The following BNC2 variants were observed in gnomAD, a reference collection of about 807,000 sequenced individuals.
BNC2 encodes the protein basonuclin zinc finger protein 2.
In BNC2, 20 loss-of-function variants were observed where a neutral mutation model predicts 76.3. The observed-to-expected ratio is 0.26, with a 90% CI of 0.18 to 0.38. BNC2 has a LOEUF of 0.38. Ranked by LOEUF, BNC2 falls within the 10% of genes least tolerant of loss-of-function variation. BNC2 has a pLI of 1.00. For synonymous variants in BNC2, 582 were observed against 514.8 expected, an observed-to-expected ratio of 1.13 and a Z score of -1.77; for missense variants, 1,382 against 1,399.8, an observed-to-expected ratio of 0.99 and a Z score of 0.20.
chr9:16,657,569 G>A (rs1382684375), intron 3 of BNC2, among the ~76,000 whole-genome samples: 1 of 152,112 alleles, frequency 6.6e-6, no homozygotes, highest in Non-Finnish European at 1.5e-5. Flanking sequence ...TGAGAGAAAG[G>A]GACTGCCAGA....
intron 3 of BNC2, among the ~76,000 whole-genome samples, chr9:16,626,993 G>A (rs7035303): frequency 0.12 from 18,484 of 152,158 alleles, 2,157 homozygotes; most frequent in African/African-American, 0.31. Context: ...ACAGTGAGGC[G>A]ACTGAATCAG....
chr9:16,635,254 C>A (rs1821288703), intron 3 of BNC2, among the ~76,000 whole-genome samples: 1 of 152,094 alleles, frequency 6.6e-6, no homozygotes. Context: ...TTTAAAAGCA[C>A]CATCAGAAAT....
chr9:16,840,340 C>T (rs1818796935), intron 1 of BNC2, among the ~76,000 whole-genome samples: 1 of 152,186 alleles, frequency 6.6e-6, no homozygotes, highest in Non-Finnish European at 1.5e-5. Flanking sequence ...GAATCCAATG[C>T]CCCTGGCATA....
intron 1 of BNC2, among the ~76,000 whole-genome samples, chr9:16,753,705 T>C (rs1825289655): frequency 6.6e-6 from 1 of 152,234 alleles, no homozygotes; most frequent in African/African-American, 2.4e-5. Flanking sequence ...GCAAGCCCAG[T>C]ATGTCCCTTC....
intron 1 of BNC2, among the ~76,000 whole-genome samples, chr9:16,800,133 G>C (rs1037712130): frequency 6.6e-6 from 1 of 151,726 alleles, no homozygotes; most frequent in Non-Finnish European, 1.5e-5. Flanking sequence ...GCTAAGGCAG[G>C]AGAATCACTT....
chr9:16,562,660 T>G (rs1265045115), intron 4 of BNC2, among the ~76,000 whole-genome samples: 4 of 152,210 alleles, frequency 2.6e-5, no homozygotes, highest in African/African-American at 7.2e-5. Flanking sequence ...TTAGCAAGTA[T>G]GTAAGTTCCT....
intron 3 of BNC2, among the ~76,000 whole-genome samples, chr9:16,713,286 G>A (rs1028225964): frequency 5.3e-5 from 8 of 152,110 alleles, no homozygotes; most frequent in Admixed American, 2.6e-4. Flanking sequence ...AACAAATTGT[G>A]ACCAATACTA....
At chr9:16,659,149 G>GGGT (rs1822021472) in intron 3 of BNC2, among the ~76,000 whole-genome samples, 9 of 67,804 alleles carry the variant, frequency 1.3e-4, no homozygotes. Context: ...ATGGATGGCG[G>GGGT]GGGGGGGCAT....
rs949093209 is a variant in BNC2, at chr9:16,411,547, C to G, written c.*7442G>C. ...GGCAACTGGTTTTTCAATTAGGATT[C>G]TATTAAGATGTCTGATAAACGATTG... On this transcript the variant is annotated 3_prime_UTR_variant, in exon 7 of 7. Coordinates refer to ENST00000380672, the MANE Select transcript of BNC2 (RefSeq NM_017637.6). 2.6e-5 allele frequency: 4 copies of G among 152,554 alleles called. No homozygotes were observed. Among genetic ancestry groups the G allele is most frequent in the Admixed American group, 6.5e-5 (1 of 15,280 alleles). The allele number at this position is 152,554 out of a possible 1,614,324, so 9.5% of individuals were successfully genotyped here. A position where few individuals can be genotyped will look rare whatever the true frequency, so the allele number is the denominator to read the frequency against.
chr9:16,422,010 C>G (rs964371552), intron 6 of BNC2, among the ~76,000 whole-genome samples: 2 of 152,176 alleles, frequency 1.3e-5, no homozygotes, highest in African/African-American at 4.8e-5. Flanking sequence ...GCCAGACACA[C>G]AGCAGTTGCA....
chr9:16,727,770 A>G (rs753703329), intron 3 of BNC2, 27 bp downstream of exon 3: 4 of 1,592,248 alleles, frequency 2.5e-6, no homozygotes, highest in Non-Finnish European at 2.6e-6. Context: ...AAAAAGAAAA[A>G]AAAAATCAAG....
At chr9:16,550,171 C>T (rs949619493) in intron 5 of BNC2, among the ~76,000 whole-genome samples, 4 of 152,122 alleles carry the variant, frequency 2.6e-5, no homozygotes, top group Admixed American at 2.6e-4. Flanking sequence ...CTTGTCCAAC[C>T]CACAGCCCAC....
At chr9:16,794,836 C>T (rs914176306) in intron 1 of BNC2, among the ~76,000 whole-genome samples, 2 of 152,034 alleles carry the variant, frequency 1.3e-5, no homozygotes, top group Non-Finnish European at 2.9e-5. Flanking sequence ...TTTTCATTTA[C>T]ACAATTTTCC....
intron 1 of BNC2, among the ~76,000 whole-genome samples, chr9:16,833,270 A>G (rs1818625454): frequency 6.6e-6 from 1 of 152,178 alleles, no homozygotes; most frequent in African/African-American, 2.4e-5. Flanking sequence ...AAAGAGGACC[A>G]AGATTAACAA....
intron 1 of BNC2, among the ~76,000 whole-genome samples, chr9:16,807,999 T>G (rs1212789604): frequency 6.6e-6 from 1 of 152,178 alleles, no homozygotes; most frequent in East Asian, 1.9e-4. Flanking sequence ...TTAAGTTTCC[T>G]TGTCTGTAAA....
rs774575646 is a variant in BNC2, at chr9:16,415,761, C to G, written c.*3228G>C. The G allele has an allele frequency of 6.6e-6, 1 of 152,198 alleles. No homozygotes were observed. The highest frequency in any genetic ancestry group is 1.5e-5 in the Non-Finnish European group (1 of 68,046). 9.4% of individuals were successfully genotyped at this position (152,198 alleles called of 1,614,324 possible). A position where few individuals can be genotyped will look rare whatever the true frequency, so the allele number is the denominator to read the frequency against. On this transcript the variant is annotated 3_prime_UTR_variant, in exon 7 of 7. Transcript: ENST00000380672. ...ATTTTATGATTTTCCATTGCATGTA[C>G]TACATCCATCCACTCCCCTGTCCCT...
chr9:16,713,917 A>C (rs1395166524), intron 3 of BNC2, among the ~76,000 whole-genome samples: 3 of 152,180 alleles, frequency 2.0e-5, no homozygotes, highest in African/African-American at 7.2e-5. Context: ...TCTACAAAAA[A>C]TACAAAAATC....
Position 16,783,936 on chromosome 9 carries a change from G to T in BNC2, c.4-45451C>A, listed in dbSNP as rs537575498. Among the ~76,000 whole-genome samples, 8 of 152,172 alleles carry T rather than the reference G, an allele frequency of 5.3e-5. No homozygotes were observed. The East Asian group carries it at 1.5e-3, about 29-fold the overall frequency. On this transcript the variant is annotated intron_variant, in intron 1 of 6. Coordinates refer to ENST00000380672, the MANE Select transcript of BNC2 (RefSeq NM_017637.6). ...AAAATATCGATACATATATGAAAAT[G>T]TTGGAAGATTTTAGAATAATTGAAA...
chr9:16,627,454 A>C lies in BNC2; in HGVS notation c.331-44369T>G, dbSNP rs566511273. 9.2e-5 allele frequency among the ~76,000 whole-genome samples: 14 copies of C among 152,322 alleles called. No homozygotes were observed. The East Asian group carries it at 2.7e-3, about 29-fold the overall frequency. On this transcript the variant is annotated intron_variant, in intron 3 of 6. Coordinates refer to ENST00000380672, the MANE Select transcript of BNC2 (RefSeq NM_017637.6). The stretch of plus-strand genomic sequence containing the variant: ...GCAGTTGTAAAATATTCACAAGCTC[A>C]AAAACCTGGTGATAACAGGCCAATA...
Sources: allele counts gnomAD v4.1 joint callset (sites outside exome capture counted in the v4.1 genomes callset), GRCh38; gene constraint gnomAD v4.1.1; transcripts MANE v1.5; gene names NCBI Gene and HGNC (gene_info 2026-07-23, HGNC 2026-07-21).